Variants in FHOD3 observed in about 807,000 individuals in gnomAD.
FHOD3 encodes formin homology 2 domain containing 3.
A neutral mutation model predicts 173.0 loss-of-function variants in FHOD3; 90 were observed. The ratio of observed to expected loss-of-function variants is 0.52; its 90% CI spans 0.44 to 0.62. The LOEUF (loss-of-function observed/expected upper bound fraction) is 0.62. FHOD3 is among the 20% of genes least tolerant of loss of function. The pLI is 0.00. For synonymous variants in FHOD3, 828 were observed against 823.0 expected (o/e 1.01, Z -0.10); for missense variants, 1,945 against 2,034.7 (o/e 0.96, Z 0.85).
intron 1 of FHOD3, among the ~76,000 whole-genome samples, chr18:36,353,692 T>A (rs1233515555): frequency 6.6e-6 from 1 of 152,190 alleles, no homozygotes; most frequent in African/African-American, 2.4e-5. Context: ...CAATCTTCTT[T>A]GGTAAAATTA....
At position 36,723,457 on chromosome 18, in the gene FHOD3, G is replaced by A. The variant is rs535202899; in HGVS notation, c.3417+4742G>A. The stretch of plus-strand genomic sequence containing the variant: ...CGTCTCCCTTGTTTCAAGACTTTAG[G>A]AAAATTCCATAGTTGTCACATCTTT... On this transcript the variant is annotated intron_variant, in intron 19 of 28. Transcript: ENST00000590592. 2.6e-5 allele frequency among the ~76,000 whole-genome samples: 4 copies of A among 152,172 alleles called. No homozygotes were observed. The South Asian group carries it at 6.2e-4, about 24-fold the overall frequency.
Position 36,529,216 on chromosome 18 carries a change from G to A in FHOD3, c.511+16673G>A, listed in dbSNP as rs116565130. 2.4e-3 allele frequency among the ~76,000 whole-genome samples: 367 copies of A among 152,284 alleles called. 1 individual carries two copies. Among genetic ancestry groups the A allele is most frequent in the African/African-American group, 8.4e-3 (350 of 41,548 alleles). ...TTCTTGTGGTGGTTCAGGAAATATG[G>A]CAGCGTTCAGGGACAGATGGGTGTA... On this transcript the variant is annotated intron_variant, in intron 5 of 28. Coordinates refer to ENST00000590592, the MANE Select transcript of FHOD3 (RefSeq NM_001281740.3).
chr18:36,427,514 A>G (rs2050314799), intron 3 of FHOD3, among the ~76,000 whole-genome samples: 1 of 152,154 alleles, frequency 6.6e-6, no homozygotes, highest in Non-Finnish European at 1.5e-5. Flanking sequence ...AATCCAGTTC[A>G]AGTTTTATTA....
chr18:36,381,267 G>A (rs1451847522), intron 3 of FHOD3, among the ~76,000 whole-genome samples: 1 of 152,214 alleles, frequency 6.6e-6, no homozygotes, highest in Non-Finnish European at 1.5e-5. Flanking sequence ...AAGTAAGTCA[G>A]CTGAGAAAAA....
intron 9 of FHOD3, among the ~76,000 whole-genome samples, chr18:36,619,067 T>C (rs1445051768): frequency 6.6e-6 from 1 of 152,212 alleles, no homozygotes; most frequent in East Asian, 1.9e-4. Flanking sequence ...CCAAGGCTGC[T>C]TGCCTCTCTA....
intron 3 of FHOD3, among the ~76,000 whole-genome samples, chr18:36,388,933 C>G (rs934633650): frequency 6.6e-6 from 1 of 152,196 alleles, no homozygotes; most frequent in Admixed American, 6.5e-5. Flanking sequence ...GGGCTGGGCT[C>G]TCTCCAGCTT....
intron 3 of FHOD3, among the ~76,000 whole-genome samples, chr18:36,401,245 G>T (rs1284805843): frequency 6.6e-6 from 1 of 152,118 alleles, no homozygotes; most frequent in Admixed American, 6.5e-5. Flanking sequence ...TTATAGAAGA[G>T]GCCCAAGGAA....
At chr18:36,529,437 G>A (rs1282586845) in intron 5 of FHOD3, among the ~76,000 whole-genome samples, 3 of 138,748 alleles carry the variant, frequency 2.2e-5, no homozygotes, top group Admixed American at 7.0e-5. Context: ...AGTGCATCTT[G>A]CTGTCTGATT....
chr18:36,554,162 A>G (rs1239477444), intron 5 of FHOD3, among the ~76,000 whole-genome samples: 1 of 152,170 alleles, frequency 6.6e-6, no homozygotes, highest in Non-Finnish European at 1.5e-5. Flanking sequence ...ACTATAAATC[A>G]TGCTGCTATA....
At chr18:36,708,259 C>T (rs939012905) in intron 17 of FHOD3, among the ~76,000 whole-genome samples, 1 of 152,100 alleles carries the variant, frequency 6.6e-6, no homozygotes, top group Admixed American at 6.5e-5. Context: ...CTTTCAAAAT[C>T]TCAAACTAAC....
chr18:36,665,857 T>A (rs2037146886), intron 14 of FHOD3, among the ~76,000 whole-genome samples: 1 of 152,256 alleles, frequency 6.6e-6, no homozygotes, highest in East Asian at 1.9e-4. Context: ...TTGGGAAGCT[T>A]CCAGGAGATT....
intron 5 of FHOD3, among the ~76,000 whole-genome samples, chr18:36,518,223 A>T (rs191009444): frequency 6.6e-6 from 1 of 152,322 alleles, no homozygotes; most frequent in East Asian, 1.9e-4. Context: ...AACTAAGGTT[A>T]GGTCTTTGGC....
intron 3 of FHOD3, among the ~76,000 whole-genome samples, chr18:36,387,744 T>C (rs1019346444): frequency 2.0e-5 from 3 of 152,150 alleles, no homozygotes; most frequent in Non-Finnish European, 4.4e-5. Flanking sequence ...CTGCTGCTCC[T>C]CCACCCCGCA....
intron 3 of FHOD3, among the ~76,000 whole-genome samples, chr18:36,410,379 A>G (rs1008145453): frequency 4.6e-5 from 7 of 152,238 alleles, no homozygotes; most frequent in African/African-American, 1.4e-4. Flanking sequence ...GTATGGATAC[A>G]CTACATGTTG....
chr18:36,749,068 T>C (rs544070355), intron 24 of FHOD3, among the ~76,000 whole-genome samples: 5 of 152,300 alleles, frequency 3.3e-5, no homozygotes, highest in East Asian at 3.9e-4. Flanking sequence ...TAAATACTTA[T>C]ATTTTGATGT....
chr18:36,526,919 T>C (rs1416549250), intron 5 of FHOD3, among the ~76,000 whole-genome samples: 4 of 152,232 alleles, frequency 2.6e-5, no homozygotes, highest in Non-Finnish European at 5.9e-5. Context: ...ATTCCCTCTA[T>C]ATCAGTCGAA....
intron 3 of FHOD3, among the ~76,000 whole-genome samples, chr18:36,403,831 T>C (rs1017449672): frequency 6.6e-6 from 1 of 152,212 alleles, no homozygotes; most frequent in African/African-American, 2.4e-5. Context: ...TCTGACTTGC[T>C]GAAGGTAGAG....
chr18:36,564,208 G>A (rs1224802507), intron 5 of FHOD3, among the ~76,000 whole-genome samples: 1 of 152,136 alleles, frequency 6.6e-6, no homozygotes, highest in Non-Finnish European at 1.5e-5. Flanking sequence ...GTTTTGGAGA[G>A]GCTGTGTGCT....
At chr18:36,705,181 C>T (rs779947798) in intron 17 of FHOD3, among the ~76,000 whole-genome samples, 3 of 152,122 alleles carry the variant, frequency 2.0e-5, no homozygotes, top group Non-Finnish European at 4.4e-5. Context: ...AGAGTAAAGT[C>T]CCAGATCCCT....
Sources: gnomAD v4.1 joint callset for allele counts (sites outside exome capture counted in the v4.1 genomes callset) on GRCh38, gnomAD v4.1.1 for gene constraint, MANE v1.5 for transcripts, NCBI Gene and HGNC (gene_info 2026-07-23, HGNC 2026-07-21) for gene names.